CDC42BPA: variants seen among roughly 807,000 people sequenced by gnomAD.
CDC42BPA encodes the protein serine/threonine-protein kinase MRCK alpha.
In CDC42BPA, 80 loss-of-function variants were observed where a neutral mutation model predicts 223.5. The ratio of observed to expected loss-of-function variants is 0.36; its 90% CI spans 0.30 to 0.43. The LOEUF is 0.43. Ranked by LOEUF, CDC42BPA falls within the 20% of genes least tolerant of loss-of-function variation. CDC42BPA has a pLI of 1.00. For missense variants in CDC42BPA, 1,743 were observed against 2,099.9 expected, an observed-to-expected ratio of 0.83 and a Z score of 3.32; for synonymous variants, 694 against 718.6, an observed-to-expected ratio of 0.97 and a Z score of 0.55.
chr1:227,195,629 T>C (rs2150169825), intron 4 of CDC42BPA, among the ~76,000 whole-genome samples: 1 of 152,296 alleles, frequency 6.6e-6, no homozygotes, highest in Non-Finnish European at 1.5e-5. Flanking sequence ...TGTCCCTTCG[T>C]CATATTTTAA....
rs16847258 is a variant in CDC42BPA at position 227,169,956 on chromosome 1, C to T, written c.600-9320G>A. On this transcript the variant is annotated intron_variant, in intron 5 of 36. Coordinates refer to ENST00000366766, the MANE Select transcript of CDC42BPA (RefSeq NM_001394014.1). ...CAATCCTATTTCTAATTAAGGCACCCTGAACTTTTAAGTTTTATGAATACA... is the reference window on the plus strand; with the variant it reads ...CAATCCTATTTCTAATTAAGGCACCTTGAACTTTTAAGTTTTATGAATACA... 1.0e-3 allele frequency among the ~76,000 whole-genome samples: 155 copies of T among 152,214 alleles called. 1 individual carries two copies. The highest frequency in any genetic ancestry group is 2.4e-3 in the African/African-American group (101 of 41,556).
intron 2 of CDC42BPA, among the ~76,000 whole-genome samples, chr1:227,239,194 C>T (rs1251554711): frequency 2.0e-5 from 3 of 152,098 alleles, no homozygotes; most frequent in Non-Finnish European, 4.4e-5. Flanking sequence ...CTGTATCATT[C>T]TAACTATTCT....
chr1:227,204,099 T>G (rs1672263546), intron 3 of CDC42BPA, among the ~76,000 whole-genome samples: 1 of 152,204 alleles, frequency 6.6e-6, no homozygotes, highest in African/African-American at 2.4e-5. Flanking sequence ...CTCTTTCAAA[T>G]AATAACTGAA....
At chr1:227,258,771 T>C (rs967886433) in intron 1 of CDC42BPA, among the ~76,000 whole-genome samples, 2 of 151,212 alleles carry the variant, frequency 1.3e-5, no homozygotes, top group Non-Finnish European at 2.9e-5. Context: ...AAAGTGCTTT[T>C]ATACAAAGAT....
At chr1:227,316,749 G>C (rs1179411660) in intron 1 of CDC42BPA, among the ~76,000 whole-genome samples, 1 of 152,108 alleles carries the variant, frequency 6.6e-6, no homozygotes, top group African/African-American at 2.4e-5. Context: ...TCTTACTGTT[G>C]ACCTAAAAAC....
At chr1:227,127,920 C>T (rs977360044) in intron 11 of CDC42BPA, among the ~76,000 whole-genome samples, 1 of 152,088 alleles carries the variant, frequency 6.6e-6, no homozygotes, top group Non-Finnish European at 1.5e-5. Flanking sequence ...CTGGAGAGGC[C>T]TCACCATTCT....
chr1:227,312,412 A>T (rs1485140734), intron 1 of CDC42BPA, among the ~76,000 whole-genome samples: 2 of 152,374 alleles, frequency 1.3e-5, no homozygotes, highest in East Asian at 3.9e-4. Context: ...GGGACATTTC[A>T]TAAAATTTCC....
rs1349592943 is a variant in CDC42BPA at position 227,153,135 on chromosome 1, A to G, written c.694-5576T>C. Reference sequence around the variant, plus strand: ...CATAAGGATTTTTAAAAAACGAATAAATAGATCAGAGAAATAAAATGGTTA... The same window carrying G: ...CATAAGGATTTTTAAAAAACGAATAGATAGATCAGAGAAATAAAATGGTTA... On this transcript the variant is annotated intron_variant, in intron 6 of 36. Coordinates refer to ENST00000366766, the MANE Select transcript of CDC42BPA (RefSeq NM_001394014.1). Among the ~76,000 whole-genome samples the G allele has an allele frequency of 2.0e-5, 3 of 152,014 alleles. No homozygotes were observed. In the East Asian group the frequency reaches 5.8e-4, roughly 29 times the overall value.
chr1:227,190,456 A>C (rs1023935857), intron 5 of CDC42BPA, among the ~76,000 whole-genome samples: 2 of 152,254 alleles, frequency 1.3e-5, no homozygotes, highest in African/African-American at 4.8e-5. Flanking sequence ...GATCATTAGA[A>C]ATAAACTTAT....
intron 2 of CDC42BPA, among the ~76,000 whole-genome samples, chr1:227,222,147 G>C (rs1416247153): frequency 6.6e-6 from 1 of 151,504 alleles, no homozygotes; most frequent in East Asian, 1.9e-4. Flanking sequence ...ATGGGAGCTT[G>C]GTCAAGACTG....
chr1:227,027,083 G>A (rs1668401012), intron 30 of CDC42BPA, among the ~76,000 whole-genome samples: 1 of 152,132 alleles, frequency 6.6e-6, no homozygotes, highest in Admixed American at 6.5e-5. Context: ...GTAAGCCACT[G>A]TGCCCACCTA....
chr1:227,120,685 T>A (rs1023796643), intron 11 of CDC42BPA, among the ~76,000 whole-genome samples: 1 of 152,204 alleles, frequency 6.6e-6, no homozygotes, highest in Non-Finnish European at 1.5e-5. Flanking sequence ...TAGGAAATGT[T>A]CCTGGTATCA....
chr1:227,008,393 AAC>A (rs1664510627), intron 34 of CDC42BPA, among the ~76,000 whole-genome samples: 1 of 152,258 alleles, frequency 6.6e-6, no homozygotes, highest in African/African-American at 2.4e-5. Context: ...TAAATAATTT[AAC>A]ACAGAATACA....
chr1:227,286,500 C>T (rs1214037536), intron 1 of CDC42BPA, among the ~76,000 whole-genome samples: 1 of 152,156 alleles, frequency 6.6e-6, no homozygotes, highest in Admixed American at 6.5e-5. Flanking sequence ...TTTATCAGAG[C>T]CACTTAATCA....
intron 3 of CDC42BPA, among the ~76,000 whole-genome samples, chr1:227,212,494 T>C (rs758273354): frequency 2.4e-4 from 36 of 152,054 alleles, no homozygotes; most frequent in Non-Finnish European, 1.0e-4. Flanking sequence ...CCTATCCCAT[T>C]CAACCCTTCA....
At chr1:227,135,570 T>C (rs1280160908) in intron 10 of CDC42BPA, among the ~76,000 whole-genome samples, 1 of 151,930 alleles carries the variant, frequency 6.6e-6, no homozygotes, top group African/African-American at 2.4e-5. Context: ...AAATGCAATT[T>C]AGGGGCAGGC....
chr1:227,013,492 T>G (rs1160547174), intron 34 of CDC42BPA, among the ~76,000 whole-genome samples: 2 of 152,048 alleles, frequency 1.3e-5, no homozygotes, highest in East Asian at 3.8e-4. Context: ...ATCTGACATT[T>G]TGGCATCAAG....
intron 16 of CDC42BPA, among the ~76,000 whole-genome samples, chr1:227,087,972 T>C (rs1048195934): frequency 2.6e-5 from 4 of 152,192 alleles, no homozygotes; most frequent in African/African-American, 7.2e-5. Context: ...AGTTGGAGAT[T>C]TGCAAGAGAA....
intron 3 of CDC42BPA, among the ~76,000 whole-genome samples, chr1:227,200,106 A>G (rs1364500922): frequency 4.3e-5 from 6 of 137,970 alleles, no homozygotes; most frequent in Non-Finnish European, 7.9e-5. Context: ...TCACACATGT[A>G]TATGTCTACA....
Sources: allele counts gnomAD v4.1 joint callset (sites outside exome capture counted in the v4.1 genomes callset), GRCh38; gene constraint gnomAD v4.1.1; transcripts MANE v1.5; gene names NCBI Gene and HGNC (gene_info 2026-07-23, HGNC 2026-07-21).